Variants in MAML3 observed in about 807,000 individuals in gnomAD.
MAML3 encodes mastermind-like protein 3.
Under a neutral mutation model 101.9 loss-of-function variants are expected in MAML3, and 27 were observed. The observed-to-expected ratio is 0.27, with a 90% CI of 0.20 to 0.37. The LOEUF is 0.37. Among genes scored for constraint, MAML3 ranks in the 10% least tolerant of loss-of-function variants. MAML3 has a pLI of 1.00. For synonymous variants in MAML3, 501 were observed against 555.9 expected (o/e 0.90, Z 1.39); for missense variants, 1,316 against 1,444.9 (o/e 0.91, Z 1.45).
chr4:140,072,394 G>A lies in MAML3; in HGVS notation c.468+80466C>T, dbSNP rs144197206. Among the ~76,000 whole-genome samples, 287 of 152,294 alleles carry A rather than the reference G, an allele frequency of 1.9e-3. 1 individual carries two copies. The highest frequency in any genetic ancestry group is 6.5e-3 in the African/African-American group (269 of 41,560). On this transcript the variant is annotated intron_variant, in intron 1 of 4. Transcript: ENST00000509479. ...GGGATAACTTAAAGTATACAGGCCA[G>A]GCGTGGTGGCTCATGCCTGTAATCC...
At chr4:140,126,874 T>A (rs1306450358) in intron 1 of MAML3, among the ~76,000 whole-genome samples, 1 of 152,192 alleles carries the variant, frequency 6.6e-6, no homozygotes, top group East Asian at 1.9e-4. Context: ...GTCCCCCCTG[T>A]CTACTCAATG....
chr4:139,844,248 C>A (rs1013449036), intron 2 of MAML3, among the ~76,000 whole-genome samples: 2 of 152,162 alleles, frequency 1.3e-5, no homozygotes, highest in South Asian at 2.1e-4. Context: ...TCATCAGAGA[C>A]AACATCTTAT....
At chr4:140,118,876 C>G (rs1046558070) in intron 1 of MAML3, among the ~76,000 whole-genome samples, 1 of 152,170 alleles carries the variant, frequency 6.6e-6, no homozygotes, top group African/African-American at 2.4e-5. Flanking sequence ...TCACCTCCCC[C>G]ACACAAGGCC....
At chr4:140,150,335 G>T (rs1315259701) in intron 1 of MAML3, among the ~76,000 whole-genome samples, 2 of 152,170 alleles carry the variant, frequency 1.3e-5, no homozygotes, top group South Asian at 2.1e-4. Flanking sequence ...AGGAGGCTGG[G>T]CTTGCTTCCA....
At chr4:139,920,064 G>A (rs149449943) in intron 1 of MAML3, among the ~76,000 whole-genome samples, 198 of 152,266 alleles carry the variant, frequency 1.3e-3, no homozygotes, top group African/African-American at 3.6e-3. Flanking sequence ...ACTTGGTTGC[G>A]ATTATCAAAT....
intron 1 of MAML3, among the ~76,000 whole-genome samples, chr4:139,918,516 G>C (rs1256865169): frequency 6.6e-6 from 1 of 152,212 alleles, no homozygotes; most frequent in Non-Finnish European, 1.5e-5. Context: ...CCCTGGCTCA[G>C]TCAGCTGCAC....
At chr4:139,918,641 T>C (rs1362823686) in intron 1 of MAML3, among the ~76,000 whole-genome samples, 1 of 152,224 alleles carries the variant, frequency 6.6e-6, no homozygotes, top group Non-Finnish European at 1.5e-5. Flanking sequence ...CCCATTTGAG[T>C]GTAAGCTCCT....
chr4:139,820,855 T>C (rs922744998), intron 2 of MAML3, among the ~76,000 whole-genome samples: 11 of 152,180 alleles, frequency 7.2e-5, no homozygotes, highest in African/African-American at 2.4e-4. Context: ...CTTATACATA[T>C]ATTTTTGATC....
At chr4:140,142,231 G>A (rs1176049691) in intron 1 of MAML3, among the ~76,000 whole-genome samples, 2 of 152,126 alleles carry the variant, frequency 1.3e-5, no homozygotes, top group African/African-American at 4.8e-5. Context: ...AAATGAATAT[G>A]TGATTATGTA....
chr4:139,801,521 C>T (rs139181310), intron 2 of MAML3, among the ~76,000 whole-genome samples: 320 of 152,082 alleles, frequency 2.1e-3, no homozygotes, highest in African/African-American at 7.0e-3. Context: ...GGACTTTTTC[C>T]GTCAAAAGGA....
chr4:139,846,737 C>T (rs1731458321), intron 2 of MAML3, among the ~76,000 whole-genome samples: 1 of 152,210 alleles, frequency 6.6e-6, no homozygotes, highest in Non-Finnish European at 1.5e-5. Flanking sequence ...TAAAATACAG[C>T]TCCATTAAAA....
chr4:140,055,705 C>T lies in MAML3; in HGVS notation c.468+97155G>A, dbSNP rs556479665. Among the ~76,000 whole-genome samples the T allele has an allele frequency of 3.3e-5, 5 of 152,214 alleles. No homozygotes were observed. The South Asian group carries it at 1.0e-3, about 32-fold the overall frequency. On this transcript the variant is annotated intron_variant, in intron 1 of 4. Coordinates refer to ENST00000509479, the MANE Select transcript of MAML3 (RefSeq NM_018717.5). ...ACAAAAAGCCAAAGGTACAAAATTA[C>T]ACATCATGAGTTCTTTCATCAAGTA... is the stretch of plus-strand genomic sequence containing the variant.
intron 1 of MAML3, among the ~76,000 whole-genome samples, chr4:140,014,227 T>G (rs531877250): frequency 8.5e-4 from 130 of 152,350 alleles, no homozygotes; most frequent in Non-Finnish European, 1.6e-3. Context: ...TATGCTCATT[T>G]GTTAAGCAGC....
intron 2 of MAML3, among the ~76,000 whole-genome samples, chr4:139,802,440 G>A (rs1304452136): frequency 1.3e-5 from 2 of 152,056 alleles, no homozygotes; most frequent in African/African-American, 2.4e-5. Flanking sequence ...TGCCATGCCC[G>A]ACTTCCTCTC....
intron 1 of MAML3, among the ~76,000 whole-genome samples, chr4:140,078,440 G>A (rs1325206655): frequency 1.3e-5 from 2 of 152,118 alleles, no homozygotes; most frequent in African/African-American, 4.8e-5. Context: ...AGCTACAAGA[G>A]CTCAGGGCTG....
chr4:139,921,005 G>A (rs1376261112), intron 1 of MAML3, among the ~76,000 whole-genome samples: 2 of 152,230 alleles, frequency 1.3e-5, no homozygotes, highest in South Asian at 2.1e-4. Flanking sequence ...AGCTGAAAAC[G>A]CAGTCTCACC....
At chr4:140,148,410 C>T (rs529106615) in intron 1 of MAML3, among the ~76,000 whole-genome samples, 1 of 152,210 alleles carries the variant, frequency 6.6e-6, no homozygotes, top group African/African-American at 2.4e-5. Context: ...TAAAAAAATG[C>T]TTCTTGAGAA....
intron 1 of MAML3, among the ~76,000 whole-genome samples, chr4:140,075,559 T>C (rs540934190): frequency 2.6e-5 from 4 of 152,258 alleles, no homozygotes; most frequent in African/African-American, 9.6e-5. Context: ...TTTTTAGAGA[T>C]AGGATGTCAC....
chr4:140,026,823 T>C (rs1212616286), intron 1 of MAML3, among the ~76,000 whole-genome samples: 1 of 152,190 alleles, frequency 6.6e-6, no homozygotes, highest in Non-Finnish European at 1.5e-5. Flanking sequence ...CATTAGTAGC[T>C]GGAGAATATC....
Sources: allele counts gnomAD v4.1 joint callset (sites outside exome capture counted in the v4.1 genomes callset), GRCh38; gene constraint gnomAD v4.1.1; transcripts MANE v1.5; gene names NCBI Gene and HGNC (gene_info 2026-07-23, HGNC 2026-07-21).